The following SLC25A21 variants were observed in gnomAD, a reference collection of about 807,000 sequenced individuals.
SLC25A21 encodes mitochondrial 2-oxodicarboxylate carrier.
A neutral mutation model predicts 43.8 loss-of-function variants in SLC25A21; 47 were observed. The ratio of observed to expected loss-of-function variants is 1.07; its 90% CI spans 0.85 to 1.37. SLC25A21 has a LOEUF of 1.37. SLC25A21 is among the 40% of genes most tolerant of loss of function. The pLI is 0.00. For synonymous variants in SLC25A21, 131 were observed against 121.3 expected (o/e 1.08, Z -0.52); for missense variants, 352 against 350.2 (o/e 1.00, Z -0.04).
At chr14:36,869,066 G>A (rs2138545510) in intron 2 of SLC25A21, among the ~76,000 whole-genome samples, 1 of 152,254 alleles carries the variant, frequency 6.6e-6, no homozygotes, top group Non-Finnish European at 1.5e-5. Flanking sequence ...TAATCTCTAG[G>A]TCGCCTCACA....
At position 37,079,536 on chromosome 14, in the gene SLC25A21, C is replaced by G. The variant is rs79092068; in HGVS notation, c.70+92745G>C. On this transcript the variant is annotated intron_variant, in intron 1 of 9. Coordinates refer to ENST00000331299, the MANE Select transcript of SLC25A21 (RefSeq NM_030631.4). ...TCCTCCACACAACCCTTGGAGTTACCGGAGTGATCATCATAAAACACAAAT... is the reference window on the plus strand; with the variant it reads ...TCCTCCACACAACCCTTGGAGTTACGGGAGTGATCATCATAAAACACAAAT... Among the ~76,000 whole-genome samples, 2,212 of 152,270 alleles carry G rather than the reference C, an allele frequency of 0.015. 189 individuals are homozygous for G. The East Asian group carries it at 0.26, about 18-fold the overall frequency.
chr14:36,951,584 A>C (rs1249896275), intron 1 of SLC25A21, among the ~76,000 whole-genome samples: 1 of 151,476 alleles, frequency 6.6e-6, no homozygotes, highest in Non-Finnish European at 1.5e-5. Flanking sequence ...ATATTTGTGC[A>C]AGGTATGCAT....
At chr14:36,694,220 C>T (rs535691289) in intron 7 of SLC25A21, among the ~76,000 whole-genome samples, 9 of 152,284 alleles carry the variant, frequency 5.9e-5, no homozygotes, top group African/African-American at 1.4e-4. Context: ...GCTTCAACCA[C>T]GTCCCTGCAA....
intron 1 of SLC25A21, among the ~76,000 whole-genome samples, chr14:37,091,646 T>G (rs976786903): frequency 2.0e-5 from 3 of 152,126 alleles, no homozygotes. Flanking sequence ...TTCCATCACT[T>G]TGCACACGTC....
chr14:36,898,714 C>G (rs1891319561), intron 1 of SLC25A21, among the ~76,000 whole-genome samples: 1 of 152,132 alleles, frequency 6.6e-6, no homozygotes, highest in Non-Finnish European at 1.5e-5. Flanking sequence ...CCTAAAACAG[C>G]TGATCTCATG....
chr14:36,866,397 C>G (rs1890214750), intron 2 of SLC25A21, among the ~76,000 whole-genome samples: 1 of 152,204 alleles, frequency 6.6e-6, no homozygotes, highest in Non-Finnish European at 1.5e-5. Context: ...ACAGAACAAA[C>G]ACCTCAGTCA....
At chr14:37,112,123 T>G (rs967402795) in intron 1 of SLC25A21, among the ~76,000 whole-genome samples, 1 of 152,152 alleles carries the variant, frequency 6.6e-6, no homozygotes, top group African/African-American at 2.4e-5. Flanking sequence ...TCTTCTTTCC[T>G]TCCTTCATTA....
At chr14:36,786,946 G>A (rs572273445) in intron 3 of SLC25A21, among the ~76,000 whole-genome samples, 1 of 152,282 alleles carries the variant, frequency 6.6e-6, no homozygotes, top group Admixed American at 6.5e-5. Context: ...GCAATTATGA[G>A]CCTGTGGTAA....
At chr14:36,809,889 T>C (rs1455738419) in intron 3 of SLC25A21, among the ~76,000 whole-genome samples, 7 of 152,192 alleles carry the variant, frequency 4.6e-5, no homozygotes, top group Admixed American at 2.6e-4. Context: ...AAAGACATCT[T>C]TGAAAACGGA....
intron 7 of SLC25A21, among the ~76,000 whole-genome samples, chr14:36,685,978 T>G (rs942620724): frequency 1.3e-5 from 2 of 152,130 alleles, no homozygotes; most frequent in South Asian, 2.1e-4. Flanking sequence ...TTGATCAATA[T>G]TTTAGAGGGA....
At chr14:37,073,685 C>T (rs1396891338) in intron 1 of SLC25A21, among the ~76,000 whole-genome samples, 1 of 152,186 alleles carries the variant, frequency 6.6e-6, no homozygotes, top group Non-Finnish European at 1.5e-5. Flanking sequence ...CCTGGACTTT[C>T]TCCTAGCATC....
intron 1 of SLC25A21, among the ~76,000 whole-genome samples, chr14:36,941,077 C>T (rs985053920): frequency 4.6e-5 from 7 of 151,786 alleles, no homozygotes; most frequent in African/African-American, 1.5e-4. Flanking sequence ...TACATAGGTC[C>T]GGAAAGTTCC....
Position 36,679,754 on chromosome 14 carries a change from G to A in SLC25A21, c.*904C>T, listed in dbSNP as rs546287295. 6.1e-6 allele frequency: 6 copies of A among 985,410 alleles called. No individual in the cohort carries two copies. In the African/African-American group the frequency reaches 1.0e-4, roughly 17 times the overall value. 61.0% of individuals were successfully genotyped at this position (985,410 alleles called of 1,614,324 possible). On this transcript the variant is annotated 3_prime_UTR_variant, in exon 10 of 10. Transcript: ENST00000331299. ...TAAAAATGGCACAGGTAGGCATGCT[G>A]AATAAAGGTATTTGGATGCAAATAC...
intron 1 of SLC25A21, among the ~76,000 whole-genome samples, chr14:37,143,070 A>G (rs916559104): frequency 9.9e-5 from 15 of 152,204 alleles, no homozygotes; most frequent in Non-Finnish European, 2.9e-5. Flanking sequence ...ATCTGTCAGT[A>G]TTAGTCAGCT....
At chr14:37,123,441 C>T (rs976313816) in intron 1 of SLC25A21, among the ~76,000 whole-genome samples, 6 of 152,218 alleles carry the variant, frequency 3.9e-5, no homozygotes, top group African/African-American at 1.4e-4. Flanking sequence ...ACCAATGTGT[C>T]ACCCATGCTG....
chr14:37,076,662 AT>A (rs1404026693), intron 1 of SLC25A21, among the ~76,000 whole-genome samples: 1 of 151,240 alleles, frequency 6.6e-6, no homozygotes, highest in Non-Finnish European at 1.5e-5. Context: ...CTAATTTTGT[AT>A]TTTTAGTAGA....
chr14:36,722,627 T>C (rs1438333239), intron 6 of SLC25A21, among the ~76,000 whole-genome samples: 1 of 152,196 alleles, frequency 6.6e-6, no homozygotes, highest in African/African-American at 2.4e-5. Flanking sequence ...TATACTGGGT[T>C]AAATAAAATA....
intron 1 of SLC25A21, among the ~76,000 whole-genome samples, chr14:36,931,560 G>A (rs2138637054): frequency 6.6e-6 from 1 of 152,274 alleles, no homozygotes; most frequent in Non-Finnish European, 1.5e-5. Flanking sequence ...CTCTGAGAAG[G>A]ACATTATATT....
intron 7 of SLC25A21, among the ~76,000 whole-genome samples, chr14:36,702,489 A>G (rs928350649): frequency 4.6e-5 from 7 of 150,806 alleles, no homozygotes; most frequent in Non-Finnish European, 1.0e-4. Flanking sequence ...AAAAAAAAAA[A>G]AAAAAAAGAA....
Sources: gnomAD v4.1 joint callset for allele counts (sites outside exome capture counted in the v4.1 genomes callset) on GRCh38, gnomAD v4.1.1 for gene constraint, MANE v1.5 for transcripts, NCBI Gene and HGNC (gene_info 2026-07-23, HGNC 2026-07-21) for gene names.